Variants in RBFOX1 observed in about 807,000 individuals in gnomAD.
RBFOX1 encodes the protein RNA binding fox-1 homolog 1, also known as RNA binding protein fox-1 homolog 1.
RBFOX1 carries 8 observed loss-of-function variants against 57.7 expected under a neutral mutation model. The ratio of observed to expected loss-of-function variants is 0.14; its 90% confidence interval spans 0.08 to 0.25. RBFOX1 has a LOEUF of 0.25. RBFOX1 is among the 10% of genes least tolerant of loss of function. RBFOX1 has a pLI of 1.00. For missense variants in RBFOX1, 611 were observed against 548.5 expected (o/e 1.11, Z -1.14); for synonymous variants, 326 against 222.4 (o/e 1.47, Z -4.15).
At chr16:6,979,055 G>A (rs2087900717) in intron 3 of RBFOX1, among the ~76,000 whole-genome samples, 1 of 152,168 alleles carries the variant, frequency 6.6e-6, no homozygotes, top group Non-Finnish European at 1.5e-5. Flanking sequence ...TATTATGAAA[G>A]CTAGAGAGAA....
chr16:7,428,386 G>A (rs1392363115), intron 4 of RBFOX1, among the ~76,000 whole-genome samples: 1 of 144,318 alleles, frequency 6.9e-6, no homozygotes, highest in Non-Finnish European at 1.5e-5. Flanking sequence ...GAGTGCAATG[G>A]CATGATCTCG....
chr16:6,144,310 T>G (rs898102905), intron 1 of RBFOX1, among the ~76,000 whole-genome samples: 1 of 152,186 alleles, frequency 6.6e-6, no homozygotes, highest in Non-Finnish European at 1.5e-5. Flanking sequence ...CTGCTTCAGT[T>G]TGTGGCAAAT....
intron 3 of RBFOX1, among the ~76,000 whole-genome samples, chr16:6,897,929 C>T (rs986697017): frequency 4.6e-5 from 7 of 152,160 alleles, no homozygotes. Flanking sequence ...CACGAGCTAC[C>T]CTCTGTGTCT....
chr16:6,500,892 T>TGTTTGTTTGTTTG (rs752870662), intron 2 of RBFOX1, among the ~76,000 whole-genome samples: 1,652 of 25,790 alleles, frequency 0.064, 23 homozygotes, highest in Non-Finnish European at 0.079. Context: ...TTTTTTTTTT[T>TGTTTGTTTGTTTG]TTTTTTTTTA....
intron 1 of RBFOX1, among the ~76,000 whole-genome samples, chr16:5,359,250 A>C (rs574371886): frequency 6.6e-6 from 1 of 152,284 alleles, no homozygotes; most frequent in African/African-American, 2.4e-5. Flanking sequence ...AATTTTGGCT[A>C]TTGGGAACAG....
rs144585120 is a variant in RBFOX1 at position 5,909,987 on chromosome 16, A to G, written c.351+42652A>G. ...AGAGTCACTTGAACCTGGGAGGCGG[A>G]GGTTGCAGTGAGCCAAGATTGTGCC... On this transcript the variant is annotated intron_variant, in intron 4 of 19. Transcript: ENST00000641259. Among the ~76,000 whole-genome samples, 111 of 152,212 alleles carry G rather than the reference A, an allele frequency of 7.3e-4. 2 individuals carry two copies. The East Asian group carries it at 0.015, about 21-fold the overall frequency.
chr16:5,801,509 G>A (rs2055054973), intron 3 of RBFOX1, among the ~76,000 whole-genome samples: 1 of 152,168 alleles, frequency 6.6e-6, no homozygotes, highest in African/African-American at 2.4e-5. Flanking sequence ...TACTTGAAAA[G>A]CAGAGACATA....
intron 4 of RBFOX1, among the ~76,000 whole-genome samples, chr16:7,367,407 G>A (rs1343164842): frequency 3.9e-5 from 6 of 152,144 alleles, no homozygotes; most frequent in Non-Finnish European, 5.9e-5. Context: ...CTCTCTCTTC[G>A]ATGGATTCCA....
chr16:5,898,449 G>T (rs1167026115), intron 4 of RBFOX1, among the ~76,000 whole-genome samples: 1 of 151,886 alleles, frequency 6.6e-6, no homozygotes, highest in Non-Finnish European at 1.5e-5. Context: ...ATTCATCCTG[G>T]CCTAGAGAAT....
intron 2 of RBFOX1, among the ~76,000 whole-genome samples, chr16:5,477,696 T>C (rs1332781586): frequency 6.6e-6 from 1 of 152,180 alleles, no homozygotes; most frequent in Non-Finnish European, 1.5e-5. Context: ...ATAACACCAG[T>C]CTCTCTTCTC....
chr16:5,987,714 C>T (rs2060309803), intron 4 of RBFOX1, among the ~76,000 whole-genome samples: 1 of 152,184 alleles, frequency 6.6e-6, no homozygotes, highest in Non-Finnish European at 1.5e-5. Context: ...GCCCCATCTC[C>T]AGCTCTCTTT....
chr16:6,643,149 T>C (rs975278083), intron 2 of RBFOX1, among the ~76,000 whole-genome samples: 1 of 152,198 alleles, frequency 6.6e-6, no homozygotes, highest in Non-Finnish European at 1.5e-5. Flanking sequence ...ATGCAGTCAT[T>C]TGAGACTTAA....
At chr16:7,208,898 G>C (rs747192529) in intron 4 of RBFOX1, among the ~76,000 whole-genome samples, 29 of 151,964 alleles carry the variant, frequency 1.9e-4, no homozygotes, top group Non-Finnish European at 3.5e-4. Flanking sequence ...AAGAGAGCAA[G>C]AATTCACTCA....
chr16:6,200,506 A>C (rs1167381503), intron 1 of RBFOX1, among the ~76,000 whole-genome samples: 1 of 152,172 alleles, frequency 6.6e-6, no homozygotes, highest in Non-Finnish European at 1.5e-5. Flanking sequence ...TGTTCCTAAA[A>C]ATCACCACTC....
chr16:5,452,116 C>CTTT (rs148215801), intron 1 of RBFOX1, among the ~76,000 whole-genome samples: 11 of 108,110 alleles, frequency 1.0e-4, no homozygotes, highest in Admixed American at 3.0e-4. Context: ...CTCTCTCTCT[C>CTTT]TTTTTTTTTT....
intron 1 of RBFOX1, among the ~76,000 whole-genome samples, chr16:6,309,756 G>A (rs1295958127): frequency 6.6e-6 from 1 of 152,128 alleles, no homozygotes; most frequent in Non-Finnish European, 1.5e-5. Context: ...AGGAACAGAA[G>A]CAGACACAGA....
In RBFOX1 at chr16:7,265,347, G is replaced by C. The variant is rs1241473595; in HGVS notation, c.27+213249G>C. On this transcript the variant is annotated intron_variant, in intron 4 of 15. Transcript: ENST00000550418. Reference sequence around the variant, plus strand: ...TCTTCCCTTGGCAGAGAGAAAGAGAGAGAGGGAGAGGAAAGAAGTGGGTGT... The same window carrying C: ...TCTTCCCTTGGCAGAGAGAAAGAGACAGAGGGAGAGGAAAGAAGTGGGTGT... Among the ~76,000 whole-genome samples, 7 of 152,142 alleles carry C rather than the reference G, an allele frequency of 4.6e-5. No homozygotes were observed. In the East Asian group the frequency reaches 1.3e-3, roughly 29 times the overall value.
chr16:5,960,393 A>G (rs750906486), intron 4 of RBFOX1, among the ~76,000 whole-genome samples: 16 of 152,170 alleles, frequency 1.1e-4, no homozygotes, highest in Non-Finnish European at 2.2e-4. Context: ...ATTAGATTTC[A>G]CATTACCACC....
intron 11 of RBFOX1, among the ~76,000 whole-genome samples, chr16:7,648,413 C>T (rs1490261384): frequency 1.3e-4 from 19 of 151,906 alleles, no homozygotes; most frequent in Non-Finnish European, 2.4e-4. Context: ...TTAGTAGAGA[C>T]GGGGTTACAT....
Sources: gnomAD v4.1 joint callset for allele counts (sites outside exome capture counted in the v4.1 genomes callset) on GRCh38, gnomAD v4.1.1 for gene constraint, MANE v1.5 for transcripts, NCBI Gene and HGNC (gene_info 2026-07-23, HGNC 2026-07-21) for gene names.